CCDC39: variants seen among roughly 807,000 people sequenced by gnomAD.
CCDC39 encodes the protein coiled-coil domain-containing protein 39.
CCDC39 carries 113 observed loss-of-function variants against 121.0 expected under a neutral mutation model. The ratio of observed to expected loss-of-function variants is 0.93; its 90% CI spans 0.80 to 1.09. The LOEUF (loss-of-function observed/expected upper bound fraction) is 1.09, where lower values mean the gene tolerates loss of function less well. Ranked by LOEUF, CCDC39 falls within the 50% of genes least tolerant of loss-of-function variation. The pLI is 0.00. For missense variants in CCDC39, 1,063 were observed against 1,074.7 expected, an observed-to-expected ratio of 0.99 and a Z score of 0.15; for synonymous variants, 349 against 352.2, an observed-to-expected ratio of 0.99 and a Z score of 0.10.
intron 13 of CCDC39, among the ~76,000 whole-genome samples, chr3:180,639,946 T>C (rs1004631111): frequency 6.6e-6 from 1 of 152,054 alleles, no homozygotes; most frequent in African/African-American, 2.4e-5. Flanking sequence ...TTATGCTGAA[T>C]GAAAAAAGCC....
At chr3:180,653,122 T>G (rs1342035719) in intron 7 of CCDC39, among the ~76,000 whole-genome samples, 1 of 152,196 alleles carries the variant, frequency 6.6e-6, no homozygotes, top group Non-Finnish European at 1.5e-5. Context: ...ATGGAGTCAC[T>G]TGTGTCAAAC....
At position 180,652,213 on chromosome 3, in the gene CCDC39, C is replaced by T; in HGVS notation, c.984G>A (p.Leu328=). 1.1e-5 allele frequency: 17 copies of T among 1,536,896 alleles called. No individual in the cohort carries two copies. Among genetic ancestry groups the T allele is most frequent in the Non-Finnish European group, 1.4e-5 (16 of 1,142,102 alleles). The change falls in exon 8 of 20, where the codon CTG becomes CTA. Residue 328 remains leucine (L), a synonymous_variant. Coordinates refer to ENST00000476379, the MANE Select transcript of CCDC39 (RefSeq NM_181426.2). ...VNRTSSDLEA[L]RKNISKIKKD... ...TCTTTATCTTGGAAATATTTTTCCTCAGAGCTTCTAAATCACTGGAAGTTC... is the reference window on the plus strand; with the variant it reads ...TCTTTATCTTGGAAATATTTTTCCTTAGAGCTTCTAAATCACTGGAAGTTC...
In CCDC39 at chr3:180,659,212, T is replaced by G. The variant is rs530742535; in HGVS notation, c.738+240A>C. Among the ~76,000 whole-genome samples, 4 of 152,206 alleles carry G rather than the reference T, an allele frequency of 2.6e-5. No individual in the cohort carries two copies. In the South Asian group the frequency reaches 8.3e-4, roughly 32 times the overall value. On this transcript the variant is annotated intron_variant, in intron 6 of 19. Coordinates refer to ENST00000476379, the MANE Select transcript of CCDC39 (RefSeq NM_181426.2). ...AGAACAGTATCTACTGACTCTTTCT[T>G]GTTCCGCAATTCTGAGATGACAGGA...
In CCDC39 at chr3:180,663,948, A is replaced by G; in HGVS notation, c.129T>C (p.Asp43=). ...TTCGCTCTTCATACTCACGTAACTCATCTTGCAAGCTTGCTCTTTCATCCT... is the reference window on the plus strand; with the variant it reads ...TTCGCTCTTCATACTCACGTAACTCGTCTTGCAAGCTTGCTCTTTCATCCT... ...KLKDERASLQ[D]ELREYEERIN... The change falls in exon 2 of 20, where the codon GAT becomes GAC. Residue 43 remains aspartate (D), a synonymous_variant. Coordinates refer to ENST00000476379, the MANE Select transcript of CCDC39 (RefSeq NM_181426.2). 6.2e-7 allele frequency: 1 copy of G among 1,612,174 alleles called. No homozygotes were observed. Among genetic ancestry groups the G allele is most frequent in the Non-Finnish European group, 8.5e-7 (1 of 1,179,106 alleles).
At chr3:180,626,794 G>A (rs769244154) in intron 14 of CCDC39, among the ~76,000 whole-genome samples, 2 of 152,166 alleles carry the variant, frequency 1.3e-5, no homozygotes, top group African/African-American at 2.4e-5. Context: ...TAGCAAGGTC[G>A]TGGGAATTGT....
rs1007558889 is a variant in CCDC39, at chr3:180,626,583, C to T, written c.1998+4886G>A. 5.3e-5 allele frequency among the ~76,000 whole-genome samples: 8 copies of T among 152,154 alleles called. No individual in the cohort carries two copies. The South Asian group carries it at 8.3e-4, about 16-fold the overall frequency. On this transcript the variant is annotated intron_variant, in intron 14 of 19. Coordinates refer to ENST00000476379, the MANE Select transcript of CCDC39 (RefSeq NM_181426.2). The stretch of plus-strand genomic sequence containing the variant: ...TGGGAGTGCCTGGTCTCTTTTCTCC[C>T]TCCTTGGATCGGAGACAGCTGCAGC...
chr3:180,675,483 A>T (rs545097513), intron 1 of CCDC39, among the ~76,000 whole-genome samples: 1 of 151,944 alleles, frequency 6.6e-6, no homozygotes, highest in South Asian at 2.1e-4. Context: ...TATCTCCTTC[A>T]GTTCTGCTCT....
chr3:180,660,724 C>A lies in CCDC39; in HGVS notation c.362G>T (p.Gly121Val). 1 of 1,597,622 alleles carries A rather than the reference C, an allele frequency of 6.3e-7. No individual in the cohort carries two copies. Among genetic ancestry groups the A allele is most frequent in the Non-Finnish European group, 8.5e-7 (1 of 1,170,928 alleles). Residue 121 changes from glycine to valine, a missense_variant, in exon 4 of 20, where the codon GGC becomes GTC. By Grantham distance (109) the Gly-to-Val change is moderately radical (BLOSUM62 -3). Transcript: ENST00000476379. The stretch of plus-strand genomic sequence containing the variant: ...CAATTTTTGAGTGGCTTTAAATATG[C>A]CATTCTAATTTCCAAAGAGAGAGAG... ...ILEKKSDKEN[G>V]IFKATQKLDG...
At chr3:180,652,405 A>G (rs1178503512) in intron 7 of CCDC39, 139 bp from the exon 8 acceptor site, 2 of 499,172 alleles carry the variant, frequency 4.0e-6, no homozygotes, top group Non-Finnish European at 3.5e-6. Flanking sequence ...TTTTATATTT[A>G]ATATATAAAC....
At chr3:180,655,870 A>AAGT (rs1218560427) in intron 6 of CCDC39, among the ~76,000 whole-genome samples, 1 of 152,194 alleles carries the variant, frequency 6.6e-6, no homozygotes, top group Non-Finnish European at 1.5e-5. Context: ...AGTGATGCTG[A>AAGT]TGGCAATAAG....
At chr3:180,671,418 C>A (rs1174221920) in intron 1 of CCDC39, among the ~76,000 whole-genome samples, 1 of 152,130 alleles carries the variant, frequency 6.6e-6, no homozygotes, top group Non-Finnish European at 1.5e-5. Context: ...CCACAAGGAG[C>A]AGTACCTCTG....
intron 7 of CCDC39, 116 bp from the exon 8 acceptor site, chr3:180,652,382 G>C: frequency 1.9e-6 from 1 of 523,974 alleles, no homozygotes; most frequent in Non-Finnish European, 3.3e-6. Flanking sequence ...ACCCACAAAA[G>C]TAGTAGCCAT....
At chr3:180,641,558 C>T (rs1017776082) in intron 13 of CCDC39, among the ~76,000 whole-genome samples, 1 of 152,026 alleles carries the variant, frequency 6.6e-6, no homozygotes, top group African/African-American at 2.4e-5. Context: ...TTGCTGAATA[C>T]TTAATATACA....
chr3:180,617,492 T>C (rs368349887), intron 16 of CCDC39: 15 of 682,484 alleles, frequency 2.2e-5, no homozygotes, highest in East Asian at 1.1e-4. Context: ...TTCATGTTAC[T>C]GACCCTGAAG....
At chr3:180,623,830 T>TA (rs1459992249) in intron 14 of CCDC39, among the ~76,000 whole-genome samples, 13 of 151,996 alleles carry the variant, frequency 8.6e-5, no homozygotes, top group Admixed American at 3.3e-4. Context: ...TTTTTTTTTT[T>TA]ATTTTTTTTG....
chr3:180,648,298 T>G lies in CCDC39; in HGVS notation c.1229A>C (p.Gln410Pro). The change falls in exon 10 of 20, where the codon CAG becomes CCG. Residue 410 changes from glutamine (Q) to proline (P), a missense_variant. Physicochemically the swap from Gln to Pro is moderately conservative, Grantham distance 76. Coordinates refer to ENST00000476379, the MANE Select transcript of CCDC39 (RefSeq NM_181426.2). ...AGCTTTTTCTTTCATTGTCTCAGTC[T>G]GTAACTCCTGAGCTTTCTTAAACAG... ...GVLFKKAQEL[Q>P]TETMKEKAVL... is the part of the protein sequence containing the mutation. The G allele has an allele frequency of 6.2e-7, 1 of 1,611,890 alleles. No individual in the cohort carries two copies. Among genetic ancestry groups the G allele is most frequent in the Non-Finnish European group, 8.5e-7 (1 of 1,179,020 alleles).
In CCDC39 at chr3:180,673,912, T is replaced by C. The variant is rs1712118335; in HGVS notation, c.90+5379A>G. Among the ~76,000 whole-genome samples, 4 of 151,480 alleles carry C rather than the reference T, an allele frequency of 2.6e-5. No individual in the cohort carries two copies. The Admixed American group carries it at 2.6e-4, about 10-fold the overall frequency. ...AAGCAGGCAATGCAAGGAAGTAGAC[T>C]GGCAATCTAGGATGCAAGAAATTAA... On this transcript the variant is annotated intron_variant, in intron 1 of 19. Transcript: ENST00000476379.
Position 180,619,379 on chromosome 3 carries a change from C to T in CCDC39, c.2159-14G>A, listed in dbSNP as rs917837385. On this transcript the variant is annotated splice_polypyrimidine_tract_variant and intron_variant, in intron 15 of 19. Coordinates refer to ENST00000476379, the MANE Select transcript of CCDC39 (RefSeq NM_181426.2). ...CATACTCATCACCTGAAATGTAGAACATTTTTAGTTTAAAATTTCAACATA... is the reference window on the plus strand; with the variant it reads ...CATACTCATCACCTGAAATGTAGAATATTTTTAGTTTAAAATTTCAACATA... The T allele has an allele frequency of 8.0e-7, 1 of 1,256,182 alleles. No homozygotes were observed. Among genetic ancestry groups the T allele is most frequent in the Non-Finnish European group, 1.1e-6 (1 of 892,964 alleles). 77.8% of individuals were successfully genotyped at this position (1,256,182 alleles called of 1,614,324 possible). A position where few individuals can be genotyped will look rare whatever the true frequency, so the allele number is the denominator to read the frequency against.
At chr3:180,652,498 G>A (rs527728241) in intron 7 of CCDC39, among the ~76,000 whole-genome samples, 27 of 152,140 alleles carry the variant, frequency 1.8e-4, no homozygotes, top group African/African-American at 6.3e-4. Context: ...CATATGTGTT[G>A]AAAGTAAATA....
Sources: allele counts gnomAD v4.1 joint callset (sites outside exome capture counted in the v4.1 genomes callset), GRCh38; gene constraint gnomAD v4.1.1; transcripts MANE v1.5; gene names NCBI Gene and HGNC (gene_info 2026-07-23, HGNC 2026-07-21).